The following SNTG1 variants were observed in gnomAD, a reference collection of about 807,000 sequenced individuals.
SNTG1 encodes the protein gamma-1-syntrophin.
A neutral mutation model predicts 74.7 loss-of-function variants in SNTG1; 39 were observed. That is an observed-to-expected ratio of 0.52 (90% confidence interval 0.40 to 0.68). The LOEUF (loss-of-function observed/expected upper bound fraction) is 0.68. Among genes scored for constraint, SNTG1 ranks in the 30% least tolerant of loss-of-function variants. SNTG1 has a pLI of 0.00. For synonymous variants in SNTG1, 254 were observed against 217.1 expected (o/e 1.17, Z -1.49); for missense variants, 685 against 609.5 (o/e 1.12, Z -1.30).
At position 49,911,921 on chromosome 8, in the gene SNTG1, G is replaced by T. The variant is rs1048854976; in HGVS notation, c.-413G>T. 3 of 152,238 alleles carry T rather than the reference G, an allele frequency of 2.0e-5. No individual in the cohort carries two copies. Among genetic ancestry groups the T allele is most frequent in the Non-Finnish European group, 4.4e-5 (3 of 68,068 alleles). The allele number at this position is 152,238 out of a possible 1,614,324, so 9.4% of individuals were successfully genotyped here. A position where few individuals can be genotyped will look rare whatever the true frequency, so the allele number is the denominator to read the frequency against. Reference sequence around the variant, plus strand: ...TCCCTCTACACCTGCTGTACCTAAGGACAGGACTCTGAGGAGTACTCTTGC... The same window carrying T: ...TCCCTCTACACCTGCTGTACCTAAGTACAGGACTCTGAGGAGTACTCTTGC... On this transcript the variant is annotated 5_prime_UTR_variant, in exon 1 of 19. Transcript: ENST00000642720.
chr8:50,213,462 G>A (rs2084621020), intron 2 of SNTG1, among the ~76,000 whole-genome samples: 1 of 152,106 alleles, frequency 6.6e-6, no homozygotes, highest in Admixed American at 6.5e-5. Context: ...CATGTGAGTT[G>A]ATTTGAAAAT....
intron 1 of SNTG1, among the ~76,000 whole-genome samples, chr8:49,991,893 T>C (rs1036937702): frequency 4.6e-5 from 7 of 152,208 alleles, no homozygotes; most frequent in Non-Finnish European, 7.3e-5. Context: ...TTTGCACAAC[T>C]GTATAAATAC....
At chr8:50,159,746 C>T (rs2131587179) in intron 1 of SNTG1, among the ~76,000 whole-genome samples, 2 of 152,236 alleles carry the variant, frequency 1.3e-5, no homozygotes, top group Middle Eastern at 6.8e-3. Context: ...GTACCTGAGC[C>T]TAGTGTTTCT....
intron 1 of SNTG1, among the ~76,000 whole-genome samples, chr8:49,925,880 G>A (rs927988464): frequency 8.5e-5 from 13 of 152,166 alleles, no homozygotes; most frequent in Non-Finnish European, 7.3e-5. Context: ...GTGAATAAAG[G>A]TGCTATGAAT....
At chr8:50,572,289 G>C (rs1279629183) in intron 12 of SNTG1, among the ~76,000 whole-genome samples, 7 of 151,222 alleles carry the variant, frequency 4.6e-5, no homozygotes, top group Non-Finnish European at 7.4e-5. Context: ...GAGAGAGAGA[G>C]AGAGAGTCAT....
chr8:50,473,887 A>T (rs2093673678), intron 8 of SNTG1, among the ~76,000 whole-genome samples: 1 of 152,140 alleles, frequency 6.6e-6, no homozygotes, highest in Non-Finnish European at 1.5e-5. Flanking sequence ...AGCAGAAAAT[A>T]GAATAGTGTT....
intron 2 of SNTG1, among the ~76,000 whole-genome samples, chr8:50,252,764 G>A (rs1449926194): frequency 6.6e-6 from 1 of 152,100 alleles, no homozygotes; most frequent in East Asian, 1.9e-4. Context: ...CAGTCACAAG[G>A]GATTCACCCC....
intron 17 of SNTG1, among the ~76,000 whole-genome samples, chr8:50,740,255 G>C (rs1285150188): frequency 6.8e-6 from 1 of 147,690 alleles, no homozygotes; most frequent in Non-Finnish European, 1.5e-5. Context: ...CATCTACAAG[G>C]AACTTAAACA....
intron 2 of SNTG1, among the ~76,000 whole-genome samples, chr8:50,282,580 C>G (rs2130448779): frequency 7.0e-6 from 1 of 142,268 alleles, no homozygotes; most frequent in African/African-American, 2.5e-5. Context: ...TTCCTTAAAA[C>G]TGTCTGCCCC....
chr8:50,774,863 GT>G (rs1339193174), intron 18 of SNTG1, among the ~76,000 whole-genome samples: 7 of 151,278 alleles, frequency 4.6e-5, no homozygotes, highest in Non-Finnish European at 1.5e-5. Context: ...CACTATTGAC[GT>G]TGTCATTGTT....
chr8:49,991,236 A>G (rs1465445720), intron 1 of SNTG1, among the ~76,000 whole-genome samples: 2 of 152,180 alleles, frequency 1.3e-5, no homozygotes, highest in African/African-American at 4.8e-5. Flanking sequence ...AAACCACACA[A>G]TTAAATGGCA....
At chr8:50,415,993 G>A (rs1243276902) in intron 4 of SNTG1, among the ~76,000 whole-genome samples, 1 of 152,094 alleles carries the variant, frequency 6.6e-6, no homozygotes, top group Admixed American at 6.6e-5. Context: ...TTCAAATATT[G>A]AGCCACATAG....
intron 1 of SNTG1, among the ~76,000 whole-genome samples, chr8:50,095,546 A>G (rs540998765): frequency 1.3e-5 from 2 of 152,328 alleles, no homozygotes; most frequent in South Asian, 2.1e-4. Flanking sequence ...AGCACATTTC[A>G]TAATGAAATC....
intron 2 of SNTG1, among the ~76,000 whole-genome samples, chr8:50,186,376 T>G (rs2083384997): frequency 6.6e-6 from 1 of 151,876 alleles, no homozygotes; most frequent in African/African-American, 2.4e-5. Flanking sequence ...AATAATGGGA[T>G]TTCCTATGGT....
At chr8:50,589,502 C>T (rs1461453901) in intron 12 of SNTG1, among the ~76,000 whole-genome samples, 1 of 151,308 alleles carries the variant, frequency 6.6e-6, no homozygotes. Flanking sequence ...CCGTGTTTTG[C>T]TCAACCACTA....
At chr8:50,521,266 T>TG (rs1216451463) in intron 9 of SNTG1, among the ~76,000 whole-genome samples, 19 of 151,830 alleles carry the variant, frequency 1.3e-4, no homozygotes. Context: ...CAAGGCCTGA[T>TG]GGGGGCTGGG....
chr8:50,728,482 A>G (rs889770302), intron 17 of SNTG1, among the ~76,000 whole-genome samples: 3 of 152,204 alleles, frequency 2.0e-5, no homozygotes, highest in African/African-American at 7.2e-5. Context: ...ATTCATGTCT[A>G]AATAAATTAA....
At chr8:50,321,953 C>A (rs919086999) in intron 2 of SNTG1, among the ~76,000 whole-genome samples, 1 of 152,024 alleles carries the variant, frequency 6.6e-6, no homozygotes, top group Non-Finnish European at 1.5e-5. Flanking sequence ...AGTCTTTCTA[C>A]TTAAGAGTAG....
At chr8:50,778,485 G>T (rs2095648013) in intron 18 of SNTG1, among the ~76,000 whole-genome samples, 1 of 151,754 alleles carries the variant, frequency 6.6e-6, no homozygotes, top group South Asian at 2.1e-4. Context: ...GTGTTTTTTG[G>T]CTGCATAAAT....
Sources: gnomAD v4.1 joint callset for allele counts (sites outside exome capture counted in the v4.1 genomes callset) on GRCh38, gnomAD v4.1.1 for gene constraint, MANE v1.5 for transcripts, NCBI Gene and HGNC (gene_info 2026-07-23, HGNC 2026-07-21) for gene names.